PCYOX1: variants seen among roughly 807,000 people sequenced by gnomAD.
PCYOX1 encodes prenylcysteine oxidase 1.
A neutral mutation model predicts 46.4 loss-of-function variants in PCYOX1; 46 were observed. The ratio of observed to expected loss-of-function variants is 0.99; its 90% confidence interval spans 0.78 to 1.27. The LOEUF (loss-of-function observed/expected upper bound fraction) is 1.27, where lower values mean the gene tolerates loss of function less well. PCYOX1 is among the 50% of genes most tolerant of loss of function. PCYOX1 has a pLI of 0.00. For synonymous variants in PCYOX1, 220 were observed against 231.8 expected, an observed-to-expected ratio of 0.95 and a Z score of 0.46; for missense variants, 658 against 628.3, an observed-to-expected ratio of 1.05 and a Z score of -0.51.
In PCYOX1 at chr2:70,261,466, T is replaced by G. The variant is rs1696435541; in HGVS notation, c.494+80T>G. 4 of 1,017,904 alleles carry G rather than the reference T, an allele frequency of 3.9e-6. 1 individual carries two copies. Among genetic ancestry groups the G allele is most frequent in the Non-Finnish European group, 5.9e-6 (4 of 678,686 alleles). The allele number at this position is 1,017,904 out of a possible 1,614,324, so 63.1% of individuals were successfully genotyped here. A position where few individuals can be genotyped will look rare whatever the true frequency, so the allele number is the denominator to read the frequency against. ...ACTTGATGAACTTTAGGAATTATGA[T>G]TTCTTGTAAGCATTTTCTACCTCAC... On this transcript the variant is annotated intron_variant, in intron 3 of 5. Coordinates refer to ENST00000433351, the MANE Select transcript of PCYOX1 (RefSeq NM_016297.4).
chr2:70,267,680 T>C (rs527604011), intron 3 of PCYOX1, among the ~76,000 whole-genome samples: 35 of 151,874 alleles, frequency 2.3e-4, no homozygotes, highest in African/African-American at 8.5e-4. Flanking sequence ...TCCCAGGCAC[T>C]TGGCAGGCTG....
chr2:70,276,442 G>A (rs1325906279), intron 5 of PCYOX1, among the ~76,000 whole-genome samples: 2 of 152,166 alleles, frequency 1.3e-5, no homozygotes, highest in South Asian at 2.1e-4. Context: ...TCCTGACCTC[G>A]TGATCCACCC....
intron 3 of PCYOX1, among the ~76,000 whole-genome samples, chr2:70,270,644 G>A (rs528726028): frequency 1.1e-4 from 16 of 152,232 alleles, no homozygotes; most frequent in South Asian, 8.3e-4. Context: ...CATCTCCTTC[G>A]GGTCTTTGGT....
chr2:70,258,355 C>A (rs957356809), intron 1 of PCYOX1, 79 bp downstream of exon 1: 2 of 880,330 alleles, frequency 2.3e-6, no homozygotes, highest in Non-Finnish European at 3.3e-6. Flanking sequence ...GCGCCCAGAT[C>A]CCACAGCCGC....
intron 3 of PCYOX1, among the ~76,000 whole-genome samples, chr2:70,269,629 A>C (rs1696574351): frequency 6.6e-6 from 1 of 151,774 alleles, no homozygotes; most frequent in Non-Finnish European, 1.5e-5. Flanking sequence ...GAGCCACTGC[A>C]CCCGGCCTTT....
intron 1 of PCYOX1, among the ~76,000 whole-genome samples, chr2:70,258,696 A>G (rs928938295): frequency 6.6e-6 from 1 of 152,226 alleles, no homozygotes; most frequent in Non-Finnish European, 1.5e-5. Flanking sequence ...GGCACAGCAC[A>G]GGGAGGAGTG....
Position 70,280,124 on chromosome 2 carries a change from C to A in PCYOX1, c.*2732C>A, listed in dbSNP as rs971610056. ...AAAATGTTGCTGGTATTACATCAAA[C>A]CTACTCTGGATAAATTTTCCAGTAG... On this transcript the variant is annotated 3_prime_UTR_variant, in exon 6 of 6. Coordinates refer to ENST00000433351, the MANE Select transcript of PCYOX1 (RefSeq NM_016297.4). 1 of 152,078 alleles carries A rather than the reference C, an allele frequency of 6.6e-6. No individual in the cohort carries two copies. Among genetic ancestry groups the A allele is most frequent in the Admixed American group, 6.6e-5 (1 of 15,260 alleles). The allele number at this position is 152,078 out of a possible 1,614,324, so 9.4% of individuals were successfully genotyped here. A position where few individuals can be genotyped will look rare whatever the true frequency, so the allele number is the denominator to read the frequency against.
At position 70,276,729 on chromosome 2, in the gene PCYOX1, T is replaced by C. The variant is rs1696676892; in HGVS notation, c.860-5T>C. 1 of 1,542,170 alleles carries C rather than the reference T, an allele frequency of 6.5e-7. No homozygotes were observed. Among genetic ancestry groups the C allele is most frequent in the Admixed American group, 2.0e-5 (1 of 49,884 alleles). On this transcript the variant is annotated splice_region_variant and splice_polypyrimidine_tract_variant and intron_variant, in intron 5 of 5. Transcript: ENST00000433351. ...AACAAATATATGCCTCCTTATTTCC[T>C]CTAGGAAATCCAACAAAGATGTATG...
rs1160713922 is a variant in PCYOX1 at position 70,280,653 on chromosome 2, TAAAG to T, written c.*3263_*3266del. 6.6e-6 allele frequency: 1 copy of T among 152,240 alleles called. No homozygotes were observed. The highest frequency in any genetic ancestry group is 6.5e-5 in the Admixed American group (1 of 15,280). The allele number at this position is 152,240 out of a possible 1,614,324, so 9.4% of individuals were successfully genotyped here. A position where few individuals can be genotyped will look rare whatever the true frequency, so the allele number is the denominator to read the frequency against. ...AGGAGTCAAGTCAATGAAGGAGTTA[TAAAG>T]AGTTGCTGAAAAATGGAGTAACAGT... On this transcript the variant is annotated 3_prime_UTR_variant, in exon 6 of 6. Transcript: ENST00000433351.
At chr2:70,274,883 C>A in intron 3 of PCYOX1, 76 bp from the exon 4 acceptor site, 1 of 925,506 alleles carries the variant, frequency 1.1e-6, no homozygotes, top group Non-Finnish European at 1.8e-6. Flanking sequence ...ATTCTTATGA[C>A]GCCACTTCCC....
At chr2:70,266,431 C>T (rs1696524287) in intron 3 of PCYOX1, among the ~76,000 whole-genome samples, 1 of 151,058 alleles carries the variant, frequency 6.6e-6, no homozygotes, top group Admixed American at 6.6e-5. Flanking sequence ...TGACTTTGGT[C>T]TTCTAATTTA....
intron 3 of PCYOX1, among the ~76,000 whole-genome samples, chr2:70,262,775 G>A (rs987516045): frequency 3.9e-5 from 6 of 152,026 alleles, no homozygotes; most frequent in Middle Eastern, 3.2e-3. Flanking sequence ...CACTGTGCCC[G>A]GCTAGCACAT....
intron 3 of PCYOX1, among the ~76,000 whole-genome samples, chr2:70,266,990 G>A (rs1696532848): frequency 6.6e-6 from 1 of 152,178 alleles, no homozygotes; most frequent in Admixed American, 6.5e-5. Context: ...ACACCTCCCA[G>A]ACGGGGTGGC....
intron 4 of PCYOX1, 25 bp downstream of exon 4, chr2:70,275,195 T>C (rs1696653570): frequency 1.3e-6 from 2 of 1,561,954 alleles, no homozygotes; most frequent in Admixed American, 1.7e-5. Context: ...GAAACAGTGG[T>C]GGACATTAGT....
chr2:70,261,109 T>TATA, intron 2 of PCYOX1, 103 bp from the exon 3 acceptor site: 1 of 666,684 alleles, frequency 1.5e-6, no homozygotes, highest in Non-Finnish European at 2.6e-6. Flanking sequence ...CTCCTTTATG[T>TATA]GTCTCCTGAG....
chr2:70,262,634 T>C (rs1478498210), intron 3 of PCYOX1, among the ~76,000 whole-genome samples: 2 of 151,904 alleles, frequency 1.3e-5, no homozygotes, highest in African/African-American at 4.8e-5. Flanking sequence ...TGCCTGCCAC[T>C]GTGCCTGGCT....
At chr2:70,268,399 T>C (rs958102459) in intron 3 of PCYOX1, among the ~76,000 whole-genome samples, 14 of 152,104 alleles carry the variant, frequency 9.2e-5, no homozygotes. Flanking sequence ...AAATTTGTTT[T>C]CCCCAAAATT....
At chr2:70,262,462 G>T (rs995778917) in intron 3 of PCYOX1, among the ~76,000 whole-genome samples, 1 of 150,824 alleles carries the variant, frequency 6.6e-6, no homozygotes, top group African/African-American at 2.4e-5. Context: ...TACCGAGCTT[G>T]GCCGGCATGT....
intron 3 of PCYOX1, among the ~76,000 whole-genome samples, chr2:70,272,709 A>T (rs1374372317): frequency 1.3e-5 from 2 of 151,414 alleles, no homozygotes; most frequent in Admixed American, 1.3e-4. Flanking sequence ...TATTATTATT[A>T]TTTTTTTGAG....
Sources: allele counts gnomAD v4.1 joint callset (sites outside exome capture counted in the v4.1 genomes callset), GRCh38; gene constraint gnomAD v4.1.1; transcripts MANE v1.5; gene names NCBI Gene and HGNC (gene_info 2026-07-23, HGNC 2026-07-21).